The following DOCK9 variants were observed in gnomAD, a reference collection of about 807,000 sequenced individuals.
The protein encoded by DOCK9 is dedicator of cytokinesis 9.
Under a neutral mutation model 263.3 loss-of-function variants are expected in DOCK9, and 89 were observed. That is an observed-to-expected ratio of 0.34 (90% CI 0.28 to 0.40). The LOEUF (loss-of-function observed/expected upper bound fraction) is 0.40. Ranked by LOEUF, DOCK9 falls within the 10% of genes least tolerant of loss-of-function variation. The probability of loss-of-function intolerance (pLI) is 1.00; values close to 1 mark genes in which losing one functional copy is unlikely to be tolerated. For missense variants in DOCK9, 2,140 were observed against 2,603.4 expected (o/e 0.82, Z 3.87); for synonymous variants, 976 against 973.1 (o/e 1.00, Z -0.06).
chr13:98,793,870 G>GT lies in DOCK9; in HGVS notation c.*755dup, dbSNP rs1360905890. The GT allele has an allele frequency of 6.6e-6, 1 of 152,612 alleles. No individual in the cohort carries two copies. The highest frequency in any genetic ancestry group is 1.5e-5 in the Non-Finnish European group (1 of 68,034). The allele number at this position is 152,612 out of a possible 1,614,324, so 9.5% of individuals were successfully genotyped here. ...AATTAAACTTAATGCATAAGCCCAT[G>GT]TGAGTATTAAAAATGTAGAAATGTA... On this transcript the variant is annotated 3_prime_UTR_variant, in exon 53 of 53. Coordinates refer to ENST00000682017, the MANE Select transcript of DOCK9 (RefSeq NM_001366683.2).
At chr13:99,034,377 T>A (rs953608255) in intron 1 of DOCK9, among the ~76,000 whole-genome samples, 1 of 151,922 alleles carries the variant, frequency 6.6e-6, no homozygotes, top group Non-Finnish European at 1.5e-5. Context: ...AGCCCCTTGA[T>A]ATACTGTGTT....
intron 1 of DOCK9, among the ~76,000 whole-genome samples, chr13:98,998,707 G>A (rs534968471): frequency 2.6e-5 from 4 of 152,122 alleles, no homozygotes; most frequent in Middle Eastern, 3.4e-3. Context: ...GCCCCTAATC[G>A]TCCAACTGCT....
intron 1 of DOCK9, among the ~76,000 whole-genome samples, chr13:99,065,210 A>G (rs1348237972): frequency 6.6e-6 from 1 of 152,210 alleles, no homozygotes; most frequent in Non-Finnish European, 1.5e-5. Context: ...GTCCTAATCT[A>G]ATCAGGTTCA....
At chr13:98,883,319 C>A (rs889467074) in intron 22 of DOCK9, among the ~76,000 whole-genome samples, 188 bp from the exon 23 acceptor site, 1 of 152,086 alleles carries the variant, frequency 6.6e-6, no homozygotes, top group African/African-American at 2.4e-5. Flanking sequence ...ATGACCATGG[C>A]TCACTGCGGC....
chr13:98,969,977 A>C (rs1457649570), intron 1 of DOCK9, among the ~76,000 whole-genome samples: 1 of 152,102 alleles, frequency 6.6e-6, no homozygotes, highest in Non-Finnish European at 1.5e-5. Flanking sequence ...ATTAACAACT[A>C]TATCTGTTGG....
At chr13:99,008,536 T>C (rs1595893558) in intron 1 of DOCK9, among the ~76,000 whole-genome samples, 1 of 152,018 alleles carries the variant, frequency 6.6e-6, no homozygotes, top group African/African-American at 2.4e-5. Context: ...GCCCGGCCCA[T>C]GTGGAGTCTC....
At chr13:99,040,719 A>C (rs1257079307) in intron 1 of DOCK9, among the ~76,000 whole-genome samples, 2 of 152,214 alleles carry the variant, frequency 1.3e-5, no homozygotes, top group African/African-American at 2.4e-5. Context: ...GGAGTCCACG[A>C]CAACAGAGGG....
chr13:98,883,184 T>G (rs117561867), intron 22 of DOCK9, 53 bp from the exon 23 acceptor site: 63,512 of 1,425,498 alleles, frequency 0.045, 1,699 homozygotes, highest in South Asian at 0.087. Context: ...ATACACGCTG[T>G]GGAAATAGAA....
chr13:98,881,851 C>G, intron 24 of DOCK9, 41 bp downstream of exon 24: 1 of 1,491,352 alleles, frequency 6.7e-7, no homozygotes, highest in Non-Finnish European at 9.2e-7. Context: ...CAGATGTGGA[C>G]AGACTAGAAG....
intron 49 of DOCK9, among the ~76,000 whole-genome samples, chr13:98,803,243 C>A (rs1368921323): frequency 2.6e-5 from 4 of 152,218 alleles, no homozygotes. Context: ...TGTGCTTTAT[C>A]TAATCTAAAG....
At chr13:98,914,417 T>A in intron 8 of DOCK9, 22 bp from the exon 9 acceptor site, 2 of 1,594,528 alleles carry the variant, frequency 1.3e-6, no homozygotes, top group East Asian at 4.5e-5. Flanking sequence ...AAACAGATTA[T>A]CGGAATCACT....
At position 98,794,575 on chromosome 13, in the gene DOCK9, TGA is replaced by T. The variant is rs904945940; in HGVS notation, c.*49_*50del. On this transcript the variant is annotated 3_prime_UTR_variant, in exon 53 of 53. Transcript: ENST00000682017. ...CAGTGATTGGCTTTGGAAAGCATCCTGAGTTTGCAAATGACAAAGCAAGTCCC... is the reference window on the plus strand; with the variant it reads ...CAGTGATTGGCTTTGGAAAGCATCCTGTTTGCAAATGACAAAGCAAGTCCC... 1 of 1,545,266 alleles carries T rather than the reference TGA, an allele frequency of 6.5e-7. No homozygotes were observed. The highest frequency in any genetic ancestry group is 8.8e-7 in the Non-Finnish European group (1 of 1,142,738).
chr13:98,820,743 AGAT>A, intron 45 of DOCK9: 1 of 389,656 alleles, frequency 2.6e-6, no homozygotes, highest in Non-Finnish European at 5.0e-6. Context: ...CCAGATATTG[AGAT>A]ATCTAGACAC....
At position 98,794,557 on chromosome 13, in the gene DOCK9, T is replaced by G. The variant is rs1487137571; in HGVS notation, c.*69A>C. 11 of 1,525,638 alleles carry G rather than the reference T, an allele frequency of 7.2e-6. No homozygotes were observed. The South Asian group carries it at 1.0e-4, about 14-fold the overall frequency. The allele number at this position is 1,525,638 out of a possible 1,614,324, so 94.5% of individuals were successfully genotyped here. ...CCCTGTGCTCGGTCTCCCCAGTGATTGGCTTTGGAAAGCATCCTGAGTTTG... is the reference window on the plus strand; with the variant it reads ...CCCTGTGCTCGGTCTCCCCAGTGATGGGCTTTGGAAAGCATCCTGAGTTTG... On this transcript the variant is annotated 3_prime_UTR_variant, in exon 53 of 53. Coordinates refer to ENST00000682017, the MANE Select transcript of DOCK9 (RefSeq NM_001366683.2).
At chr13:98,852,550 C>G (rs1394502295) in intron 35 of DOCK9, among the ~76,000 whole-genome samples, 1 of 152,100 alleles carries the variant, frequency 6.6e-6, no homozygotes, top group East Asian at 1.9e-4. Context: ...CACCTCCCGC[C>G]CCCAGATATA....
At chr13:98,821,327 T>C (rs1473618740) in intron 45 of DOCK9, among the ~76,000 whole-genome samples, 2 of 152,090 alleles carry the variant, frequency 1.3e-5, no homozygotes, top group Non-Finnish European at 2.9e-5. Context: ...AGGAGTCCTT[T>C]ACTAAAAAGC....
chr13:99,013,701 C>T (rs925861333), intron 1 of DOCK9, among the ~76,000 whole-genome samples: 2 of 152,036 alleles, frequency 1.3e-5, no homozygotes, highest in African/African-American at 2.4e-5. Flanking sequence ...GTATCCAGAA[C>T]GAGGTGAGGA....
intron 1 of DOCK9, among the ~76,000 whole-genome samples, chr13:99,080,774 T>C (rs2042092776): frequency 6.6e-6 from 1 of 152,232 alleles, no homozygotes; most frequent in Admixed American, 6.5e-5. Context: ...ACTCTTTCCA[T>C]GGTGTGCCTT....
intron 8 of DOCK9, 96 bp from the exon 9 acceptor site, chr13:98,914,491 A>G (rs1440886248): frequency 1.8e-5 from 19 of 1,042,108 alleles, no homozygotes; most frequent in Non-Finnish European, 8.6e-6. Context: ...GTGCCTTCAA[A>G]TGAACACAGT....
Sources: allele counts gnomAD v4.1 joint callset (sites outside exome capture counted in the v4.1 genomes callset), GRCh38; gene constraint gnomAD v4.1.1; transcripts MANE v1.5; gene names NCBI Gene and HGNC (gene_info 2026-07-23, HGNC 2026-07-21).